Variants in MGAM observed in about 807,000 individuals in gnomAD.
The protein encoded by MGAM is alpha-1,4-glucosidase.
A neutral mutation model predicts 358.8 loss-of-function variants in MGAM; 253 were observed. The ratio of observed to expected loss-of-function variants is 0.71; its 90% CI spans 0.64 to 0.78. The LOEUF (loss-of-function observed/expected upper bound fraction) is 0.78, where lower values mean the gene tolerates loss of function less well. MGAM is among the 30% of genes least tolerant of loss of function. The probability of loss-of-function intolerance (pLI) is 0.00; values close to 1 mark genes in which losing one functional copy is unlikely to be tolerated. For synonymous variants in MGAM, 1,105 were observed against 1,227.1 expected, an observed-to-expected ratio of 0.90 and a Z score of 2.08; for missense variants, 3,080 against 3,432.6, an observed-to-expected ratio of 0.90 and a Z score of 2.57.
chr7:142,083,520 T>G, intron 53 of MGAM, 107 bp downstream of exon 53: 1 of 833,598 alleles, frequency 1.2e-6, no homozygotes, highest in Non-Finnish European at 1.8e-6. Flanking sequence ...ATTATTGGTA[T>G]TACTTGGAAA....
chr7:142,055,007 G>A, intron 27 of MGAM, 99 bp downstream of exon 27: 5 of 1,269,048 alleles, frequency 3.9e-6, no homozygotes, highest in Non-Finnish European at 5.5e-6. Flanking sequence ...ACATCACATT[G>A]TCCACTTCCA....
chr7:142,007,570 AC>A (rs1346623071), intron 2 of MGAM, among the ~76,000 whole-genome samples: 9 of 151,968 alleles, frequency 5.9e-5, no homozygotes, highest in African/African-American at 2.2e-4. Flanking sequence ...TGAATTTGAA[AC>A]CCCCAATGAA....
chr7:142,074,463 C>T (rs1813581045), intron 45 of MGAM, among the ~76,000 whole-genome samples: 1 of 146,222 alleles, frequency 6.8e-6, no homozygotes, highest in Admixed American at 6.9e-5. Context: ...CAAGACTGTT[C>T]CCTAATTCTA....
At chr7:142,070,961 CCTT>C (rs1813294512) in intron 43 of MGAM, 30 bp from the exon 44 acceptor site, 1 of 1,554,626 alleles carries the variant, frequency 6.4e-7, no homozygotes, top group East Asian at 2.3e-5. Flanking sequence ...CCTGTCCTCT[CCTT>C]CATCATCTTT....
intron 21 of MGAM, among the ~76,000 whole-genome samples, chr7:142,046,468 T>C (rs528696642): frequency 1.3e-5 from 2 of 152,164 alleles, no homozygotes; most frequent in South Asian, 2.1e-4. Flanking sequence ...ACTGGCATTA[T>C]GTTAGCTTCC....
intron 36 of MGAM, 75 bp downstream of exon 36, chr7:142,063,661 G>T (rs1812451411): frequency 6.6e-7 from 1 of 1,512,296 alleles, no homozygotes; most frequent in Admixed American, 1.9e-5. Context: ...GAGGCCAGGG[G>T]CAGCCCCACA....
In MGAM at chr7:142,025,052, C is replaced by CG; in HGVS notation, c.887dup (p.Thr297AsnfsTer2). 1 of 1,611,940 alleles carries CG rather than the reference C, an allele frequency of 6.2e-7. No homozygotes were observed. Among genetic ancestry groups the CG allele is most frequent in the Non-Finnish European group, 8.5e-7 (1 of 1,178,422 alleles). The stretch of plus-strand genomic sequence containing the variant: ...GGTTTTTAATTCTCTTTCTGCAGAA[C>CG]GGAACTAATTTGTATGGTGCGCAGA... On this transcript the variant is annotated frameshift_variant, in exon 8 of 71. Coordinates refer to ENST00000475668, the MANE Select transcript of MGAM (RefSeq NM_001365693.1). LOFTEE classifies it high-confidence loss of function.
chr7:142,066,914 T>G (rs1812817264), intron 41 of MGAM, among the ~76,000 whole-genome samples, 193 bp downstream of exon 41: 1 of 146,440 alleles, frequency 6.8e-6, no homozygotes, highest in Non-Finnish European at 1.5e-5. Context: ...AAAAAGGGTA[T>G]TTATTGAATG....
At chr7:142,017,119 A>T (rs1806032969) in intron 3 of MGAM, among the ~76,000 whole-genome samples, 1 of 141,354 alleles carries the variant, frequency 7.1e-6, no homozygotes, top group Non-Finnish European at 1.5e-5. Flanking sequence ...CCCCACCCCT[A>T]CTCCTTCATA....
chr7:142,044,371 A>C (rs1172310027), intron 21 of MGAM, among the ~76,000 whole-genome samples: 15 of 132,132 alleles, frequency 1.1e-4, no homozygotes, highest in African/African-American at 3.4e-4. Context: ...TATATGATAT[A>C]TAATGAATAT....
chr7:142,003,823 T>C (rs1409869844), intron 1 of MGAM, among the ~76,000 whole-genome samples: 2 of 151,636 alleles, frequency 1.3e-5, no homozygotes, highest in East Asian at 3.9e-4. Context: ...AGATCCAGAA[T>C]CTATAAGGAA....
intron 19 of MGAM, 64 bp downstream of exon 19, chr7:142,038,679 C>A: frequency 8.4e-7 from 1 of 1,187,184 alleles, no homozygotes; most frequent in Non-Finnish European, 1.2e-6. Context: ...CTGCAAACTC[C>A]TCTCTGCTTC....
chr7:142,063,656 C>T (rs1693736477), intron 36 of MGAM, 70 bp downstream of exon 36: 1 of 1,530,290 alleles, frequency 6.5e-7, no homozygotes, highest in African/African-American at 1.4e-5. Context: ...AGCCCGAGGC[C>T]AGGGGCAGCC....
At chr7:142,095,461 T>C in intron 63 of MGAM, 104 bp from the exon 64 acceptor site, 1 of 1,521,594 alleles carries the variant, frequency 6.6e-7, no homozygotes, top group Non-Finnish European at 8.9e-7. Flanking sequence ...TTTTCTTTTG[T>C]TTAGCTGTGA....
intron 3 of MGAM, among the ~76,000 whole-genome samples, chr7:142,015,426 C>T (rs1275337090): frequency 6.6e-6 from 1 of 151,688 alleles, no homozygotes; most frequent in African/African-American, 2.4e-5. Context: ...CTATGTATTC[C>T]CATATTACAT....
chr7:142,065,898 A>G lies in MGAM; in HGVS notation c.4770+67A>G, dbSNP rs1812690030. 6 of 1,235,254 alleles carry G rather than the reference A, an allele frequency of 4.9e-6. 1 individual carries two copies. The highest frequency in any genetic ancestry group is 1.2e-6 in the Non-Finnish European group (1 of 867,460). 76.5% of individuals were successfully genotyped at this position (1,235,254 alleles called of 1,614,324 possible). On this transcript the variant is annotated intron_variant, in intron 40 of 70. Coordinates refer to ENST00000475668, the MANE Select transcript of MGAM (RefSeq NM_001365693.1). ...AAAGACAGTCTCCATTTCTGTGCTA[A>G]AAGTAATGCAGTCTCTATTTCCTGG...
Position 142,083,316 on chromosome 7 carries a change from C to T in MGAM, c.6284C>T (p.Pro2095Leu), listed in dbSNP as rs1297432771. ...TCATTTTCAGATGTGACGTTCCAGC[C>T]CCTGCCTGCCTTGACATACCGTACC... ...NSNAMDVTFQ[P>L]LPALTYRTTG... Residue 2095 changes from proline to leucine, a missense_variant, in exon 53 of 71, where the codon CCC becomes CTC. Around this residue, in one of 5 missense-constraint regions of MGAM, gnomAD observed 932 missense variants for 1,198.2 expected, o/e 0.78. Transcript: ENST00000475668. 2 of 1,551,974 alleles carry T rather than the reference C, an allele frequency of 1.3e-6. No individual in the cohort carries two copies. The highest frequency in any genetic ancestry group is 1.8e-6 in the Non-Finnish European group (2 of 1,130,382).
rs184671018 is a variant in MGAM, at chr7:142,081,157, A to C, written c.6002+212A>C. On this transcript the variant is annotated intron_variant, in intron 50 of 70. Transcript: ENST00000475668. ...GTTGAGCGTGCCTGAGGATTCATCCAACAAATGTTTATGGGGTGCCTTCTC... is the reference window on the plus strand; with the variant it reads ...GTTGAGCGTGCCTGAGGATTCATCCCACAAATGTTTATGGGGTGCCTTCTC... Among the ~76,000 whole-genome samples the C allele has an allele frequency of 4.6e-3, 682 of 146,786 alleles. 26 individuals carry two copies. Among genetic ancestry groups the C allele is most frequent in the African/African-American group, 0.015 (639 of 41,270 alleles).
At chr7:142,070,786 A>G (rs1813276544) in intron 43 of MGAM, among the ~76,000 whole-genome samples, 1 of 146,276 alleles carries the variant, frequency 6.8e-6, no homozygotes, top group Admixed American at 6.9e-5. Flanking sequence ...GTGGAAGCAA[A>G]GGTAAGAGAC....
Sources: allele counts gnomAD v4.1 joint callset (sites outside exome capture counted in the v4.1 genomes callset), GRCh38; gene constraint gnomAD v4.1.1; regional missense constraint gnomAD v4.1.1; transcripts MANE v1.5; gene names NCBI Gene and HGNC (gene_info 2026-07-23, HGNC 2026-07-21).